Variants in SPTA1 observed in about 807,000 individuals in gnomAD.
The protein encoded by SPTA1 is spectrin alpha chain, erythrocytic 1.
A neutral mutation model predicts 324.7 loss-of-function variants in SPTA1; 177 were observed. The ratio of observed to expected loss-of-function variants is 0.55; its 90% CI spans 0.48 to 0.62. The LOEUF is 0.62. Ranked by LOEUF, SPTA1 falls within the 20% of genes least tolerant of loss-of-function variation. The pLI, the probability that SPTA1 is intolerant of heterozygous loss-of-function variation, is 0.00. For synonymous variants in SPTA1, 1,195 were observed against 1,041.3 expected, an observed-to-expected ratio of 1.15 and a Z score of -2.84; for missense variants, 3,162 against 2,883.6, an observed-to-expected ratio of 1.10 and a Z score of -2.21.
chr1:158,653,151 C>G (rs1448601773), intron 22 of SPTA1, 123 bp downstream of exon 22: 1 of 1,477,392 alleles, frequency 6.8e-7, no homozygotes, highest in Non-Finnish European at 9.4e-7. Context: ...ACTTTCGATT[C>G]TTAAAATCTT....
intron 48 of SPTA1, chr1:158,614,884 C>T (rs868719698): frequency 1.4e-4 from 38 of 278,852 alleles, no homozygotes; most frequent in Non-Finnish European, 2.1e-4. Context: ...TTAATCTAGA[C>T]ATTACATTTT....
At position 158,661,472 on chromosome 1, in the gene SPTA1, CT is replaced by C; in HGVS notation, c.2465-64del. On this transcript the variant is annotated intron_variant, in intron 17 of 51. Transcript: ENST00000643759. ...TGGTGTATGGAAGTAGCATACCTCA[CT>C]TTTTTAGAACTCTTGGACCCACAGG... 4.3e-6 allele frequency: 7 copies of C among 1,609,500 alleles called. No individual in the cohort carries two copies. In the South Asian group the frequency reaches 6.6e-5, roughly 15 times the overall value.
At chr1:158,648,706 G>A in intron 25 of SPTA1, 53 bp from the exon 26 acceptor site, 2 of 1,601,700 alleles carry the variant, frequency 1.2e-6, no homozygotes, top group Non-Finnish European at 1.7e-6. Flanking sequence ...ACCAGAGGCA[G>A]GCTAGTGGGG....
At chr1:158,646,396 C>T (rs944049828) in intron 27 of SPTA1, among the ~76,000 whole-genome samples, 4 of 152,080 alleles carry the variant, frequency 2.6e-5, no homozygotes, top group African/African-American at 9.7e-5. Flanking sequence ...TTATTGGGTG[C>T]TTACTAAGTA....
chr1:158,627,739 G>C lies in SPTA1; in HGVS notation c.5566-16C>G, dbSNP rs373339643. ...TTAGCAAGCTCTGCATAAATAAGTCGGTGAGAATTAAGATATCCAAAGCCG... is the reference window on the plus strand; with the variant it reads ...TTAGCAAGCTCTGCATAAATAAGTCCGTGAGAATTAAGATATCCAAAGCCG... On this transcript the variant is annotated splice_polypyrimidine_tract_variant and intron_variant, in intron 39 of 51. Coordinates refer to ENST00000643759, the MANE Select transcript of SPTA1 (RefSeq NM_003126.4). The C allele has an allele frequency of 4.4e-6, 7 of 1,607,962 alleles. No homozygotes were observed. The highest frequency in any genetic ancestry group is 5.9e-6 in the Non-Finnish European group (7 of 1,177,860).
chr1:158,681,697 C>T (rs1209530958), intron 3 of SPTA1, 30 bp from the exon 4 acceptor site: 1 of 1,613,258 alleles, frequency 6.2e-7, no homozygotes, highest in South Asian at 1.1e-5. Context: ...AACCACTCAG[C>T]CACAGACACT....
Position 158,652,452 on chromosome 1 carries a change from G to A in SPTA1, c.3375+15C>T, listed in dbSNP as rs555889163. The A allele has an allele frequency of 6.2e-7, 1 of 1,613,816 alleles. No individual in the cohort carries two copies. Among genetic ancestry groups the A allele is most frequent in the African/African-American group, 1.3e-5 (1 of 75,016 alleles). On this transcript the variant is annotated intron_variant, in intron 23 of 51. Transcript: ENST00000643759. ...AAACAATGGCAACCTTCAAGAGAAGGTTCCTCTTTCTCACCTTTTGGAACT... is the reference window on the plus strand; with the variant it reads ...AAACAATGGCAACCTTCAAGAGAAGATTCCTCTTTCTCACCTTTTGGAACT...
In SPTA1 at chr1:158,677,679, C is replaced by A; in HGVS notation, c.957+11G>T. The A allele has an allele frequency of 6.2e-7, 1 of 1,613,034 alleles. No homozygotes were observed. ...CTCAACGGGTTAGCCATTTCTCTAA[C>A]AGCGCATTACCTTGTCACTCATGAC... On this transcript the variant is annotated intron_variant, in intron 7 of 51. Transcript: ENST00000643759.
Position 158,625,054 on chromosome 1 carries a change from A to G in SPTA1, c.5910+1092T>C, listed in dbSNP as rs74933647. On this transcript the variant is annotated intron_variant, in intron 42 of 51. Transcript: ENST00000643759. ...CCAAAGTTCATGAGTTAATTATAAT[A>G]CTTTAAATGTAAACAGACTCACTTT... Among the ~76,000 whole-genome samples the G allele has an allele frequency of 2.6e-3, 401 of 152,366 alleles. 6 individuals carry two copies. The highest frequency in any genetic ancestry group is 9.6e-3 in the Admixed American group (147 of 15,304).
In SPTA1 at chr1:158,638,358, A is replaced by C. The variant is rs1311845528; in HGVS notation, c.4981-117T>G. 4 of 1,014,846 alleles carry C rather than the reference A, an allele frequency of 3.9e-6. No individual in the cohort carries two copies. In the African/African-American group the frequency reaches 4.8e-5, roughly 12 times the overall value. 62.9% of individuals were successfully genotyped at this position (1,014,846 alleles called of 1,614,324 possible). On this transcript the variant is annotated intron_variant, in intron 35 of 51. Coordinates refer to ENST00000643759, the MANE Select transcript of SPTA1 (RefSeq NM_003126.4). ...GGCCAAATGGATTGCTTTTAAAGACATGGAGTTTGATTATGTGTTATACAT... is the reference window on the plus strand; with the variant it reads ...GGCCAAATGGATTGCTTTTAAAGACCTGGAGTTTGATTATGTGTTATACAT...
At chr1:158,652,764 T>A in intron 22 of SPTA1, 111 bp from the exon 23 acceptor site, 1 of 1,274,504 alleles carries the variant, frequency 7.8e-7, no homozygotes, top group Non-Finnish European at 1.1e-6. Flanking sequence ...GGAAAACAAA[T>A]CAAAAGCAAA....
intron 14 of SPTA1, 75 bp downstream of exon 14, chr1:158,669,333 A>T: frequency 1.2e-6 from 2 of 1,603,450 alleles, no homozygotes; most frequent in Admixed American, 3.3e-5. Context: ...GCTAAAGTTC[A>T]TTTTACTCCA....
chr1:158,621,576 T>C (rs6674712), intron 43 of SPTA1, among the ~76,000 whole-genome samples: 51,779 of 152,094 alleles, frequency 0.34, 9,370 homozygotes, highest in African/African-American at 0.46. Flanking sequence ...AAACTCATTG[T>C]AGTTTGAAAT....
At chr1:158,618,859 C>T (rs554991729) in intron 45 of SPTA1, among the ~76,000 whole-genome samples, 17 of 152,140 alleles carry the variant, frequency 1.1e-4, no homozygotes, top group Middle Eastern at 3.4e-3. Context: ...AAGGTTGCTC[C>T]GACAGTTAAG....
intron 20 of SPTA1, 92 bp from the exon 21 acceptor site, chr1:158,654,840 G>T: frequency 1.3e-6 from 2 of 1,567,558 alleles, no homozygotes; most frequent in Admixed American, 1.7e-5. Flanking sequence ...AGGCTTCCCA[G>T]GAGAAAAGAG....
At chr1:158,660,123 G>C (rs1479841443) in intron 18 of SPTA1, among the ~76,000 whole-genome samples, 1 of 152,026 alleles carries the variant, frequency 6.6e-6, no homozygotes, top group Non-Finnish European at 1.5e-5. Context: ...GAGACATAAA[G>C]TGATAGATAA....
At chr1:158,674,256 T>C in intron 10 of SPTA1, 73 bp downstream of exon 10, 2 of 1,399,660 alleles carry the variant, frequency 1.4e-6, no homozygotes, top group Non-Finnish European at 2.0e-6. Flanking sequence ...TTAGAGATTA[T>C]CATATTATTG....
intron 34 of SPTA1, 54 bp from the exon 35 acceptor site, chr1:158,639,740 G>A: frequency 6.2e-7 from 1 of 1,611,824 alleles, no homozygotes; most frequent in Non-Finnish European, 8.5e-7. Context: ...CCTTTAAGGA[G>A]AATAAGATCA....
In SPTA1 at chr1:158,657,670, G is replaced by A. The variant is rs375610306; in HGVS notation, c.2612C>T (p.Ala871Val). 1.8e-5 allele frequency: 29 copies of A among 1,613,970 alleles called. No individual in the cohort carries two copies. The highest frequency in any genetic ancestry group is 2.0e-5 in the Non-Finnish European group (24 of 1,180,006). ...CTGGTTCAAACTCTTGACCCTAGAG[G>A]CCACATCTTCTGCAGCAAAGTGTCC... ...EEGHFAAEDV[A>V]SRVKSLNQNM... The change falls in exon 19 of 52, where the codon GCC becomes GTC. Residue 871 changes from alanine to valine, a missense_variant. Coordinates refer to ENST00000643759, the MANE Select transcript of SPTA1 (RefSeq NM_003126.4).
Sources: gnomAD v4.1 joint callset for allele counts (sites outside exome capture counted in the v4.1 genomes callset) on GRCh38, gnomAD v4.1.1 for gene constraint, MANE v1.5 for transcripts, NCBI Gene and HGNC (gene_info 2026-07-23, HGNC 2026-07-21) for gene names.